The following MTR variants were observed in gnomAD, a reference collection of about 807,000 sequenced individuals.
MTR encodes methionine synthase.
Under a neutral mutation model 154.8 loss-of-function variants are expected in MTR, and 84 were observed. That is an observed-to-expected ratio of 0.54 (90% confidence interval 0.45 to 0.65). MTR has a LOEUF of 0.65. MTR is among the 30% of genes least tolerant of loss of function. The pLI, the probability that MTR is intolerant of heterozygous loss-of-function variation, is 0.00. For synonymous variants in MTR, 554 were observed against 553.9 expected (o/e 1.00, Z 0.00); for missense variants, 1,275 against 1,570.2 (o/e 0.81, Z 3.18).
At chr1:236,797,590 ATTC>A (rs530077556) in intron 1 of MTR, among the ~76,000 whole-genome samples, 23 of 152,278 alleles carry the variant, frequency 1.5e-4, no homozygotes, top group Admixed American at 3.9e-4. Flanking sequence ...TATCAGCCTA[ATTC>A]TTCTCCGGCT....
intron 18 of MTR, among the ~76,000 whole-genome samples, chr1:236,859,120 T>G (rs7525347): frequency 0.22 from 32,945 of 152,272 alleles, 3,755 homozygotes; most frequent in South Asian, 0.31. Flanking sequence ...GAAGTTTATT[T>G]AGCTCACAAT....
chr1:236,848,136 G>A (rs907403604), intron 15 of MTR, among the ~76,000 whole-genome samples: 5 of 152,184 alleles, frequency 3.3e-5, no homozygotes, highest in African/African-American at 1.2e-4. Flanking sequence ...CCTTATGGAG[G>A]TTAGAGTTGA....
chr1:236,861,091 CTTTT>C, intron 19 of MTR, 30 bp from the exon 20 acceptor site: 9 of 1,415,838 alleles, frequency 6.4e-6, no homozygotes, highest in Non-Finnish European at 6.6e-6. Flanking sequence ...TTCTTTCTTT[CTTTT>C]TCTTTTTTTT....
rs1661618599 is a variant in MTR, at chr1:236,816,755, T to C, written c.764+212T>C. Among the ~76,000 whole-genome samples the C allele has an allele frequency of 2.6e-5, 4 of 152,254 alleles. No individual in the cohort carries two copies. In the South Asian group the frequency reaches 8.3e-4, roughly 31 times the overall value. ...TCAATTTGAGGGACTGGGAGAGTTC[T>C]CATACTTACAAATGGTTGCCTGTTT... On this transcript the variant is annotated intron_variant, in intron 8 of 32. Coordinates refer to ENST00000366577, the MANE Select transcript of MTR (RefSeq NM_000254.3).
At chr1:236,831,101 A>G (rs1166073620) in intron 12 of MTR, among the ~76,000 whole-genome samples, 2 of 152,236 alleles carry the variant, frequency 1.3e-5, no homozygotes, top group Non-Finnish European at 2.9e-5. Context: ...AGTTGCCCCA[A>G]GGTTGTTCAT....
intron 15 of MTR, among the ~76,000 whole-genome samples, chr1:236,848,762 C>T (rs1272145252): frequency 1.3e-5 from 2 of 152,136 alleles, no homozygotes; most frequent in East Asian, 3.9e-4. Flanking sequence ...AAGTCTCACC[C>T]CACCAGCTGC....
At chr1:236,893,217 C>G (rs1447728276) in intron 29 of MTR, among the ~76,000 whole-genome samples, 7 of 152,164 alleles carry the variant, frequency 4.6e-5, no homozygotes. Flanking sequence ...AACGGCTTCC[C>G]CATGCACAGC....
At chr1:236,860,544 A>T (rs1664477739) in intron 19 of MTR, among the ~76,000 whole-genome samples, 1 of 152,032 alleles carries the variant, frequency 6.6e-6, no homozygotes, top group Non-Finnish European at 1.5e-5. Context: ...CTTGTCATTG[A>T]AGGGCGGATA....
chr1:236,885,069 C>T, intron 25 of MTR, 52 bp from the exon 26 acceptor site: 3 of 1,132,692 alleles, frequency 2.6e-6, no homozygotes, highest in East Asian at 2.4e-5. Flanking sequence ...TTGACCATTA[C>T]TACACCAGTT....
chr1:236,807,892 A>G (rs1439688083), intron 3 of MTR, among the ~76,000 whole-genome samples: 1 of 152,244 alleles, frequency 6.6e-6, no homozygotes, highest in Non-Finnish European at 1.5e-5. Flanking sequence ...TAGACATTAT[A>G]TAAATAAATG....
chr1:236,815,744 G>C (rs1661555934), intron 7 of MTR, 81 bp downstream of exon 7: 1 of 1,350,362 alleles, frequency 7.4e-7, no homozygotes, highest in Admixed American at 1.7e-5. Flanking sequence ...GCTTTGCATA[G>C]TAGAACTATT....
chr1:236,810,820 T>C (rs1395094615), intron 5 of MTR, among the ~76,000 whole-genome samples: 1 of 152,164 alleles, frequency 6.6e-6, no homozygotes, highest in Admixed American at 6.5e-5. Flanking sequence ...ATATATATGG[T>C]GGTGTGTTAA....
intron 3 of MTR, 27 bp from the exon 4 acceptor site, chr1:236,808,677 A>G (rs748401523): frequency 8.1e-6 from 13 of 1,610,490 alleles, no homozygotes; most frequent in Non-Finnish European, 1.1e-5. Flanking sequence ...AAGAAGGACA[A>G]GCTAACGTTT....
At chr1:236,811,215 C>G (rs996117238) in intron 5 of MTR, among the ~76,000 whole-genome samples, 1 of 152,096 alleles carries the variant, frequency 6.6e-6, no homozygotes, top group Non-Finnish European at 1.5e-5. Flanking sequence ...CTTATTCACT[C>G]TTATAAGAAC....
chr1:236,827,109 A>G lies in MTR; in HGVS notation c.995+213A>G, dbSNP rs1002360856. Among the ~76,000 whole-genome samples the G allele has an allele frequency of 3.3e-5, 5 of 152,188 alleles. No homozygotes were observed. The East Asian group carries it at 9.6e-4, about 29-fold the overall frequency. On this transcript the variant is annotated intron_variant, in intron 11 of 32. Coordinates refer to ENST00000366577, the MANE Select transcript of MTR (RefSeq NM_000254.3). The stretch of plus-strand genomic sequence containing the variant: ...AATGTCATACAGGTGTACCTAATCC[A>G]ACATGATTGGTGTCCTTTTAAGAGC...
intron 1 of MTR, 88 bp downstream of exon 1, chr1:236,795,825 G>A (rs1262374178): frequency 1.9e-6 from 3 of 1,596,882 alleles, no homozygotes; most frequent in Non-Finnish European, 1.7e-6. Flanking sequence ...TCCCTTCTGC[G>A]GCGGGAGACG....
intron 27 of MTR, among the ~76,000 whole-genome samples, 181 bp downstream of exon 27, chr1:236,886,548 T>C (rs1666020881): frequency 6.6e-6 from 1 of 152,144 alleles, no homozygotes; most frequent in Non-Finnish European, 1.5e-5. Context: ...ATGGAGCAGG[T>C]GTTGTGTGCC....
In MTR at chr1:236,815,682, G is replaced by A; in HGVS notation, c.669+19G>A. ...TATCTTTGTAAGTTCTAAAGTGTTT[G>A]CACAATACATTCTTTTATTAATAAT... On this transcript the variant is annotated intron_variant, in intron 7 of 32. Transcript: ENST00000366577. 2.6e-6 allele frequency: 4 copies of A among 1,543,808 alleles called. No homozygotes were observed. Among genetic ancestry groups the A allele is most frequent in the Non-Finnish European group, 3.5e-6 (4 of 1,156,920 alleles).
At chr1:236,870,881 T>A (rs1004462475) in intron 22 of MTR, among the ~76,000 whole-genome samples, 1 of 152,210 alleles carries the variant, frequency 6.6e-6, no homozygotes, top group African/African-American at 2.4e-5. Context: ...TGCGTCATCC[T>A]CTCGTCAGAT....
Sources: gnomAD v4.1 joint callset for allele counts (sites outside exome capture counted in the v4.1 genomes callset) on GRCh38, gnomAD v4.1.1 for gene constraint, MANE v1.5 for transcripts, NCBI Gene and HGNC (gene_info 2026-07-23, HGNC 2026-07-21) for gene names.